Variants in NEDD4L observed in about 807,000 individuals in gnomAD.
NEDD4L encodes E3 ubiquitin-protein ligase NEDD4-like.
NEDD4L carries 54 observed loss-of-function variants against 148.9 expected under a neutral mutation model. The ratio of observed to expected loss-of-function variants is 0.36; its 90% confidence interval spans 0.29 to 0.45. The LOEUF is 0.45. Among genes scored for constraint, NEDD4L ranks in the 20% least tolerant of loss-of-function variants. The probability of loss-of-function intolerance (pLI) is 1.00; values close to 1 mark genes in which losing one functional copy is unlikely to be tolerated. For missense variants in NEDD4L, 856 were observed against 1,233.8 expected (o/e 0.69, Z 4.59); for synonymous variants, 433 against 440.7 (o/e 0.98, Z 0.22).
intron 1 of NEDD4L, among the ~76,000 whole-genome samples, chr18:58,134,757 C>G (rs1295478325): frequency 1.4e-5 from 2 of 148,022 alleles, no homozygotes; most frequent in Non-Finnish European, 3.0e-5. Flanking sequence ...CTTTTGTCTT[C>G]AAGCAATTTT....
chr18:58,226,276 C>G (rs938474953), intron 2 of NEDD4L, among the ~76,000 whole-genome samples: 2 of 152,188 alleles, frequency 1.3e-5, no homozygotes, highest in Non-Finnish European at 2.9e-5. Context: ...GTAGTTTAGA[C>G]TTAGAAGTAA....
chr18:58,151,622 GAT>G (rs1375549546), intron 1 of NEDD4L, among the ~76,000 whole-genome samples: 900 of 61,012 alleles, frequency 0.015, 14 homozygotes, highest in African/African-American at 0.048. Context: ...GCTGTGCCTG[GAT>G]ATGTGTGTGT....
intron 8 of NEDD4L, among the ~76,000 whole-genome samples, chr18:58,324,109 C>T (rs1178870707): frequency 1.3e-5 from 2 of 152,190 alleles, no homozygotes; most frequent in African/African-American, 4.8e-5. Context: ...AAGCCTTCAT[C>T]TCTCTATATA....
chr18:58,329,139 C>T lies in NEDD4L; in HGVS notation c.813+12C>T. On this transcript the variant is annotated intron_variant, in intron 10 of 30. Coordinates refer to ENST00000400345, the MANE Select transcript of NEDD4L (RefSeq NM_001144967.3). ...GGGATGTCCCCGAGGTACGATGTCCCCAGAATGGTGCAAAGCCCGGCAGCT... is the reference window on the plus strand; with the variant it reads ...GGGATGTCCCCGAGGTACGATGTCCTCAGAATGGTGCAAAGCCCGGCAGCT... 5.0e-6 allele frequency: 8 copies of T among 1,613,216 alleles called. No homozygotes were observed. Among genetic ancestry groups the T allele is most frequent in the Non-Finnish European group, 5.9e-6 (7 of 1,179,578 alleles).
intron 2 of NEDD4L, among the ~76,000 whole-genome samples, chr18:58,216,514 A>G (rs1270350014): frequency 1.3e-5 from 2 of 152,192 alleles, no homozygotes; most frequent in Non-Finnish European, 2.9e-5. Flanking sequence ...AAATGGTAAC[A>G]TTCAGAATGG....
chr18:58,165,080 G>A (rs2036679964), intron 1 of NEDD4L, among the ~76,000 whole-genome samples: 1 of 152,100 alleles, frequency 6.6e-6, no homozygotes, highest in Non-Finnish European at 1.5e-5. Context: ...GCTGTCATAG[G>A]GTCCTGTACT....
chr18:58,363,100 A>AT (rs915959723), intron 19 of NEDD4L, among the ~76,000 whole-genome samples: 2 of 152,188 alleles, frequency 1.3e-5, no homozygotes, highest in African/African-American at 2.4e-5. Context: ...AAGATGATGT[A>AT]TTTTTTGCTC....
At chr18:58,139,628 G>A (rs573771061) in intron 1 of NEDD4L, among the ~76,000 whole-genome samples, 1 of 152,336 alleles carries the variant, frequency 6.6e-6, no homozygotes, top group South Asian at 2.1e-4. Flanking sequence ...GAAGAAGGGT[G>A]GAGGATGTCT....
At chr18:58,177,186 G>T (rs151108096) in intron 2 of NEDD4L, among the ~76,000 whole-genome samples, 1 of 151,938 alleles carries the variant, frequency 6.6e-6, no homozygotes, top group South Asian at 2.1e-4. Context: ...GTGCCCCCAC[G>T]CCCGTGCCCT....
At chr18:58,081,474 C>T (rs917248829) in intron 1 of NEDD4L, among the ~76,000 whole-genome samples, 2 of 152,046 alleles carry the variant, frequency 1.3e-5, no homozygotes, top group African/African-American at 2.4e-5. Context: ...CTTGGCCTCC[C>T]AAAGTGCTAC....
At chr18:58,118,212 C>T (rs902904453) in intron 1 of NEDD4L, among the ~76,000 whole-genome samples, 1 of 152,258 alleles carries the variant, frequency 6.6e-6, no homozygotes. Flanking sequence ...TCTTTGTGAA[C>T]ACATGGTTAT....
chr18:58,357,275 T>C, intron 19 of NEDD4L, 23 bp downstream of exon 19: 1 of 1,601,170 alleles, frequency 6.2e-7, no homozygotes. Context: ...AAATTCTGCC[T>C]CTTCAGTATA....
At chr18:58,136,218 A>T (rs755256338) in intron 1 of NEDD4L, among the ~76,000 whole-genome samples, 3 of 152,166 alleles carry the variant, frequency 2.0e-5, no homozygotes, top group Non-Finnish European at 4.4e-5. Context: ...CAGTTGGCAA[A>T]GAAAGTACAT....
intron 1 of NEDD4L, among the ~76,000 whole-genome samples, chr18:58,075,048 C>T (rs1201654638): frequency 6.6e-6 from 1 of 152,192 alleles, no homozygotes; most frequent in African/African-American, 2.4e-5. Context: ...TGTCAGATAT[C>T]TGTTTGGGTT....
chr18:58,365,909 C>A, intron 20 of NEDD4L, 90 bp from the exon 21 acceptor site: 2 of 901,978 alleles, frequency 2.2e-6, no homozygotes, highest in Non-Finnish European at 3.3e-6. Context: ...TGAGGACTGC[C>A]AACTTTTCTA....
chr18:58,350,904 T>G (rs775938847), intron 17 of NEDD4L, 87 bp from the exon 18 acceptor site: 2 of 989,062 alleles, frequency 2.0e-6, no homozygotes, highest in East Asian at 2.6e-5. Context: ...TACAGAGGTG[T>G]TCTATAGTTT....
chr18:58,044,781 G>A (rs1388896232), intron 1 of NEDD4L, 73 bp downstream of exon 1: 3 of 1,556,714 alleles, frequency 1.9e-6, no homozygotes, highest in Non-Finnish European at 2.6e-6. Context: ...GGAGGGGAAA[G>A]GGGCCGTCCC....
At chr18:58,078,257 A>G (rs2083270344) in intron 1 of NEDD4L, among the ~76,000 whole-genome samples, 1 of 152,252 alleles carries the variant, frequency 6.6e-6, no homozygotes, top group Non-Finnish European at 1.5e-5. Flanking sequence ...TTAGATGGTC[A>G]GTAATCTCAA....
At chr18:58,081,329 C>T (rs2083421613) in intron 1 of NEDD4L, among the ~76,000 whole-genome samples, 1 of 151,036 alleles carries the variant, frequency 6.6e-6, no homozygotes, top group Non-Finnish European at 1.5e-5. Flanking sequence ...CATGCTCCTG[C>T]CTCAGCCTCC....
Sources: gnomAD v4.1 joint callset for allele counts (sites outside exome capture counted in the v4.1 genomes callset) on GRCh38, gnomAD v4.1.1 for gene constraint, MANE v1.5 for transcripts, NCBI Gene and HGNC (gene_info 2026-07-23, HGNC 2026-07-21) for gene names.